NQO2: variants seen among roughly 807,000 people sequenced by gnomAD.
The protein encoded by NQO2 is N-ribosyldihydronicotinamide:quinone dehydrogenase 2, also known as ribosyldihydronicotinamide dehydrogenase [quinone].
Under a neutral mutation model 22.0 loss-of-function variants are expected in NQO2, and 18 were observed. The ratio of observed to expected loss-of-function variants is 0.82; its 90% confidence interval spans 0.56 to 1.21. The LOEUF (loss-of-function observed/expected upper bound fraction) is 1.21. Ranked by LOEUF, NQO2 falls within the 50% of genes most tolerant of loss-of-function variation. The probability of loss-of-function intolerance (pLI) is 0.00; values close to 1 mark genes in which losing one functional copy is unlikely to be tolerated. For missense variants in NQO2, 267 were observed against 286.9 expected (o/e 0.93, Z 0.50); for synonymous variants, 106 against 110.8 (o/e 0.96, Z 0.28).
intron 1 of NQO2, chr6:3,003,487 CT>C (rs1756817947): frequency 1.1e-6 from 1 of 935,758 alleles, no homozygotes; most frequent in Non-Finnish European, 1.3e-6. Context: ...GCCCCTGCCC[CT>C]AGGCTAGGAG....
At chr6:3,002,116 C>A in intron 1 of NQO2, 2 of 690,152 alleles carry the variant, frequency 2.9e-6, no homozygotes, top group Non-Finnish European at 3.6e-6. Context: ...GTAAACTGGG[C>A]CAAGGAATAC....
intron 2 of NQO2, chr6:3,009,769 A>G: frequency 9.3e-6 from 2 of 215,022 alleles, no homozygotes; most frequent in Non-Finnish European, 1.6e-5. Flanking sequence ...CAGGAGACTG[A>G]GGCATGAGAA....
At chr6:3,010,750 C>T (rs1016038408) in intron 3 of NQO2, among the ~76,000 whole-genome samples, 2 of 152,164 alleles carry the variant, frequency 1.3e-5, no homozygotes, top group African/African-American at 4.8e-5. Flanking sequence ...GGCTGTTCAG[C>T]AGCACCACAC....
intron 1 of NQO2, among the ~76,000 whole-genome samples, chr6:3,005,478 T>A (rs1756919476): frequency 6.6e-6 from 1 of 152,232 alleles, no homozygotes; most frequent in Non-Finnish European, 1.5e-5. Context: ...TTGATTTGCA[T>A]TTCCCTAATG....
At position 3,011,914 on chromosome 6, in the gene NQO2, A is replaced by G. The variant is rs184508619; in HGVS notation, c.173-630A>G. ...AATGCACCACCACCAGACCCACCTT[A>G]CAAGAAATGCTAAAGGGAATTCAAT... On this transcript the variant is annotated intron_variant, in intron 3 of 6. Coordinates refer to ENST00000380455, the MANE Select transcript of NQO2 (RefSeq NM_000904.6). 7.2e-5 allele frequency among the ~76,000 whole-genome samples: 11 copies of G among 152,384 alleles called. No homozygotes were observed. In the South Asian group the frequency reaches 1.0e-3, roughly 14 times the overall value.
intron 4 of NQO2, chr6:3,015,013 T>C: frequency 9.8e-7 from 1 of 1,022,354 alleles, no homozygotes; most frequent in East Asian, 6.0e-5. Context: ...TCCCAGGCGG[T>C]AACACTGGAT....
At chr6:3,000,163 A>T (rs575514935) in intron 1 of NQO2, 78 bp downstream of exon 1, 1 of 152,268 alleles carries the variant, frequency 6.6e-6, no homozygotes. Flanking sequence ...GCTCTCAGGG[A>T]TTTCAGCTGG....
At chr6:3,005,948 C>A in intron 1 of NQO2, 1 of 302,400 alleles carries the variant, frequency 3.3e-6, no homozygotes, top group Non-Finnish European at 4.9e-6. Flanking sequence ...CTCCTCTGGC[C>A]TCCGCTGCAT....
intron 4 of NQO2, 126 bp downstream of exon 4, chr6:3,012,800 G>T (rs1332956689): frequency 4.3e-6 from 4 of 929,478 alleles, no homozygotes; most frequent in Non-Finnish European, 6.4e-6. Context: ...CACACTTACT[G>T]AGCAAATATT....
In NQO2 at chr6:3,006,624, C is replaced by A; in HGVS notation, c.7+65C>A. On this transcript the variant is annotated intron_variant, in intron 2 of 6. Coordinates refer to ENST00000380455, the MANE Select transcript of NQO2 (RefSeq NM_000904.6). The surrounding 1 kb of genome is among the most constrained non-coding windows in gnomAD (Gnocchi z 4.0). ...TGAGATGGGATTTTGTTGTATTGCC[C>A]AGGCTGGTCTCAAACTCCTGAGCTC... The A allele has an allele frequency of 6.7e-7, 1 of 1,499,992 alleles. No individual in the cohort carries two copies. Among genetic ancestry groups the A allele is most frequent in the Non-Finnish European group, 9.0e-7 (1 of 1,117,184 alleles). The allele number at this position is 1,499,992 out of a possible 1,614,324, so 92.9% of individuals were successfully genotyped here. A position where few individuals can be genotyped will look rare whatever the true frequency, so the allele number is the denominator to read the frequency against.
Position 3,016,956 on chromosome 6 carries a change from G to T in NQO2, c.490G>T (p.Asp164Tyr), listed in dbSNP as rs766515429. Residue 164 changes from aspartate (D) to tyrosine (Y), a missense_variant, in exon 6 of 7, where the codon GAT becomes TAT. Coordinates refer to ENST00000380455, the MANE Select transcript of NQO2 (RefSeq NM_000904.6). ...EMYTKTGVNG[D>Y]SRYFLWPLQH... ...GTACACGAAGACAGGAGTCAATGGA[G>T]ATTCTCGATACTTCCTGTGGCCACT... is the stretch of plus-strand genomic sequence containing the variant. 1 of 1,614,084 alleles carries T rather than the reference G, an allele frequency of 6.2e-7. No individual in the cohort carries two copies. The highest frequency in any genetic ancestry group is 8.5e-7 in the Non-Finnish European group (1 of 1,180,022).
chr6:3,007,011 C>G (rs1756973056), intron 2 of NQO2: 1 of 398,444 alleles, frequency 2.5e-6, no homozygotes, highest in Non-Finnish European at 4.4e-6. Flanking sequence ...TGCAATCTCT[C>G]AACTTTTTAA....
At chr6:3,016,815 CT>C in intron 5 of NQO2, 68 bp from the exon 6 acceptor site, 1 of 1,582,906 alleles carries the variant, frequency 6.3e-7, no homozygotes, top group Non-Finnish European at 8.6e-7. Context: ...AGCCCGTGTG[CT>C]GGAGGCTCAG....
At chr6:3,013,925 C>T (rs1757234561) in intron 4 of NQO2, among the ~76,000 whole-genome samples, 1 of 152,178 alleles carries the variant, frequency 6.6e-6, no homozygotes, top group South Asian at 2.1e-4. Flanking sequence ...CTCCTTTCTG[C>T]CTCTTGGCTC....
chr6:3,005,371 C>T (rs928877313), intron 1 of NQO2, among the ~76,000 whole-genome samples: 1 of 152,146 alleles, frequency 6.6e-6, no homozygotes, highest in Non-Finnish European at 1.5e-5. Flanking sequence ...CAGCGGTGCA[C>T]GGGGTTCCAA....
chr6:3,006,623 C>T lies in NQO2; in HGVS notation c.7+64C>T. 3 of 1,498,320 alleles carry T rather than the reference C, an allele frequency of 2.0e-6. No homozygotes were observed. Among genetic ancestry groups the T allele is most frequent in the Non-Finnish European group, 2.7e-6 (3 of 1,115,700 alleles). The allele number at this position is 1,498,320 out of a possible 1,614,324, so 92.8% of individuals were successfully genotyped here. On this transcript the variant is annotated intron_variant, in intron 2 of 6. Coordinates refer to ENST00000380455, the MANE Select transcript of NQO2 (RefSeq NM_000904.6). The surrounding 1 kb of genome is among the most constrained non-coding windows in gnomAD (Gnocchi z 4.0). ...TTGAGATGGGATTTTGTTGTATTGC[C>T]CAGGCTGGTCTCAAACTCCTGAGCT...
rs576937534 is a variant in NQO2 at position 3,019,669 on chromosome 6, G to T, written c.*14G>T. On this transcript the variant is annotated 3_prime_UTR_variant, in exon 7 of 7. Coordinates refer to ENST00000380455, the MANE Select transcript of NQO2 (RefSeq NM_000904.6). Reference sequence around the variant, plus strand: ...TTCGGGCAATAACTCTGTGGCACGTGGGCATCACGTAAGCAGCACACTAGG... The same window carrying T: ...TTCGGGCAATAACTCTGTGGCACGTTGGCATCACGTAAGCAGCACACTAGG... The T allele has an allele frequency of 3.8e-5, 60 of 1,588,582 alleles. 1 individual carries two copies. In the East Asian group the frequency reaches 8.5e-4, roughly 23 times the overall value.
chr6:3,006,432 T>C lies in NQO2; in HGVS notation c.-85-36T>C. 1 of 1,559,482 alleles carries C rather than the reference T, an allele frequency of 6.4e-7. No homozygotes were observed. The highest frequency in any genetic ancestry group is 8.7e-7 in the Non-Finnish European group (1 of 1,155,656). ...TGGTACATTCGACCTCACCTATGCC[T>C]CTCCCCACCCCCTCTGGGTTCGTTT... On this transcript the variant is annotated intron_variant, in intron 1 of 6. Transcript: ENST00000380455. This position sits in a 1 kb window ranked among gnomAD's most constrained non-coding sequence, Gnocchi z 4.0.
chr6:3,007,083 C>T (rs959695977), intron 2 of NQO2: 15 of 389,608 alleles, frequency 3.9e-5, no homozygotes, highest in African/African-American at 2.9e-4. Flanking sequence ...TCACCTTACT[C>T]TATACATTAT....
Sources: allele counts gnomAD v4.1 joint callset (sites outside exome capture counted in the v4.1 genomes callset), GRCh38; gene constraint gnomAD v4.1.1; non-coding constraint Gnocchi (gnomAD v3.1); transcripts MANE v1.5; gene names NCBI Gene and HGNC (gene_info 2026-07-23, HGNC 2026-07-21).